Variants in GPR55 observed in about 807,000 individuals in gnomAD.
GPR55 encodes the protein G protein-coupled receptor 55.
GPR55 carries 6 observed loss-of-function variants against 7.9 expected under a neutral mutation model. That is an observed-to-expected ratio of 0.76 (90% CI 0.41 to 1.49). The LOEUF (loss-of-function observed/expected upper bound fraction) is 1.49. Among genes scored for constraint, GPR55 ranks in the 40% most tolerant of loss-of-function variants. The pLI is 0.01. For synonymous variants in GPR55, 183 were observed against 166.8 expected (o/e 1.10, Z -0.75); for missense variants, 376 against 406.0 (o/e 0.93, Z 0.63).
intron 1 of GPR55, among the ~76,000 whole-genome samples, chr2:230,936,305 C>T (rs972847982): frequency 1.3e-5 from 2 of 152,152 alleles, no homozygotes; most frequent in African/African-American, 4.8e-5. Context: ...CCTCACATGT[C>T]GTAGGATCGT....
At chr2:230,919,441 A>G (rs1181342948) in intron 1 of GPR55, among the ~76,000 whole-genome samples, 1 of 152,200 alleles carries the variant, frequency 6.6e-6, no homozygotes, top group Non-Finnish European at 1.5e-5. Flanking sequence ...AACATCAAGA[A>G]CAACAATAGA....
Position 230,947,140 on chromosome 2 carries a change from G to A in GPR55, c.-135+13635C>T, listed in dbSNP as rs143234737. On this transcript the variant is annotated intron_variant, in intron 1 of 1. Transcript: ENST00000392039. ...AGAAAGAGCCATTAGCTGACAAATC[G>A]CTCCTTTCCACTATGGGTGTGGGAA... Among the ~76,000 whole-genome samples, 387 of 152,196 alleles carry A rather than the reference G, an allele frequency of 2.5e-3. 3 individuals carry two copies. The highest frequency in any genetic ancestry group is 9.0e-3 in the African/African-American group (373 of 41,524).
At chr2:230,917,306 A>T (rs1309121949) in intron 1 of GPR55, among the ~76,000 whole-genome samples, 2 of 152,240 alleles carry the variant, frequency 1.3e-5, no homozygotes, top group African/African-American at 2.4e-5. Context: ...ACATAGAATT[A>T]TATAAATAAT....
chr2:230,932,231 G>A (rs1691060655), intron 1 of GPR55, among the ~76,000 whole-genome samples: 1 of 152,236 alleles, frequency 6.6e-6, no homozygotes, highest in African/African-American at 2.4e-5. Flanking sequence ...GGTTGCAGCT[G>A]TTTGTGGGAG....
At position 230,909,761 on chromosome 2, in the gene GPR55, T is replaced by C. The variant is rs370782609; in HGVS notation, c.*242A>G. On this transcript the variant is annotated 3_prime_UTR_variant, in exon 2 of 2. Transcript: ENST00000650999. ...TATAGTTTTTGGACTTAGAAATCAG[T>C]AATTCACCTGGTCTGTGGGTTCTTC... 50 of 487,688 alleles carry C rather than the reference T, an allele frequency of 1.0e-4. No homozygotes were observed. The East Asian group carries it at 1.1e-3, about 11-fold the overall frequency. The allele number at this position is 487,688 out of a possible 1,614,324, so 30.2% of individuals were successfully genotyped here.
At chr2:230,921,645 G>T (rs929434875) in intron 1 of GPR55, among the ~76,000 whole-genome samples, 2 of 152,172 alleles carry the variant, frequency 1.3e-5, no homozygotes, top group Non-Finnish European at 2.9e-5. Context: ...ACCACTTTAA[G>T]GAAAGTGGGA....
In GPR55 at chr2:230,954,492, G is replaced by A. The variant is rs1007109826; in HGVS notation, c.-135+6283C>T. Among the ~76,000 whole-genome samples, 58 of 152,150 alleles carry A rather than the reference G, an allele frequency of 3.8e-4. 1 individual carries two copies. The highest frequency in any genetic ancestry group is 6.5e-5 in the Admixed American group (1 of 15,280). On this transcript the variant is annotated intron_variant, in intron 1 of 1. Coordinates refer to the GPR55 transcript ENST00000392039. ...AACTTTTTATTTTTAATTTTTGTGG[G>A]TAATAGTAGATGTATATATTTATGG...
intron 1 of GPR55, chr2:230,957,462 T>G (rs1210272538): frequency 1.3e-5 from 4 of 305,130 alleles, no homozygotes; most frequent in Non-Finnish European, 2.5e-5. Flanking sequence ...GAGATTTCAC[T>G]GCGCTGCTCA....
chr2:230,911,598 AC>A (rs1559169600), intron 1 of GPR55, among the ~76,000 whole-genome samples: 1 of 152,190 alleles, frequency 6.6e-6, no homozygotes, highest in Non-Finnish European at 1.5e-5. Context: ...GATAATCAAC[AC>A]AACTTTTGCT....
Position 230,924,144 on chromosome 2 carries a change from C to A in GPR55, c.-135+1024G>T, listed in dbSNP as rs946002023. ...ACCATGTCCCTTTCACCTTTATCACCGAGCCTCACATACAGTTTGTCGTTG... is the reference window on the plus strand; with the variant it reads ...ACCATGTCCCTTTCACCTTTATCACAGAGCCTCACATACAGTTTGTCGTTG... On this transcript the variant is annotated intron_variant, in intron 1 of 1. Coordinates refer to ENST00000650999, the MANE Select transcript of GPR55 (RefSeq NM_005683.4). The surrounding 1 kb of genome is among the most constrained non-coding windows in gnomAD (Gnocchi z 4.5). Among the ~76,000 whole-genome samples the A allele has an allele frequency of 5.3e-5, 8 of 152,084 alleles. No homozygotes were observed. Among genetic ancestry groups the A allele is most frequent in the Admixed American group, 3.3e-4 (5 of 15,272 alleles).
At chr2:230,918,825 T>A (rs1462213230) in intron 1 of GPR55, among the ~76,000 whole-genome samples, 2 of 152,170 alleles carry the variant, frequency 1.3e-5, no homozygotes, top group African/African-American at 4.8e-5. Context: ...TAAATAGTTT[T>A]TTGAGTTATT....
At chr2:230,937,205 C>T (rs1190559951) in intron 1 of GPR55, among the ~76,000 whole-genome samples, 1 of 151,886 alleles carries the variant, frequency 6.6e-6, no homozygotes, top group Non-Finnish European at 1.5e-5. Context: ...AGTTTGAGAC[C>T]TACCTGGTCA....
intron 1 of GPR55, among the ~76,000 whole-genome samples, chr2:230,948,021 C>G (rs996562481): frequency 1.3e-5 from 2 of 152,158 alleles, no homozygotes; most frequent in Non-Finnish European, 2.9e-5. Flanking sequence ...CAGTGCCCGC[C>G]CGGCTCCTTT....
intron 1 of GPR55, chr2:230,957,677 T>A: frequency 3.7e-6 from 2 of 545,896 alleles, no homozygotes; most frequent in Non-Finnish European, 7.4e-6. Context: ...AAATATTCCC[T>A]GTGCCCGGGA....
Position 230,913,340 on chromosome 2 carries a change from T to C in GPR55, c.-134-2244A>G, listed in dbSNP as rs138421913. On this transcript the variant is annotated intron_variant, in intron 1 of 1. Coordinates refer to ENST00000650999, the MANE Select transcript of GPR55 (RefSeq NM_005683.4). ...TTGGGGTGTGTTTTAAGATCTTATATGTAATACCATTCCCAAGCCCTCTCT... is the reference window on the plus strand; with the variant it reads ...TTGGGGTGTGTTTTAAGATCTTATACGTAATACCATTCCCAAGCCCTCTCT... Among the ~76,000 whole-genome samples the C allele has an allele frequency of 1.5e-3, 221 of 152,306 alleles. 1 individual carries two copies. Among genetic ancestry groups the C allele is most frequent in the Middle Eastern group, 6.8e-3 (2 of 294 alleles).
intron 1 of GPR55, among the ~76,000 whole-genome samples, chr2:230,914,082 G>A (rs1488233575): frequency 1.3e-5 from 2 of 152,218 alleles, no homozygotes; most frequent in South Asian, 2.1e-4. Context: ...TGAATCCACC[G>A]TATTGCTGGT....
At chr2:230,919,208 T>G (rs1690781261) in intron 1 of GPR55, among the ~76,000 whole-genome samples, 2 of 152,038 alleles carry the variant, frequency 1.3e-5, no homozygotes, top group South Asian at 4.1e-4. Flanking sequence ...TAGATGAAAA[T>G]TTAATAAACA....
At chr2:230,920,880 C>T (rs1348866760) in intron 1 of GPR55, among the ~76,000 whole-genome samples, 1 of 151,874 alleles carries the variant, frequency 6.6e-6, no homozygotes. Flanking sequence ...GTTAATACTC[C>T]CTATATTAAT....
chr2:230,910,703 T>C lies in GPR55; in HGVS notation c.260A>G (p.Gln87Arg). The C allele has an allele frequency of 6.2e-7, 1 of 1,613,598 alleles. No homozygotes were observed. The highest frequency in any genetic ancestry group is 8.5e-7 in the Non-Finnish European group (1 of 1,179,530). ...LPFKMVLSQV[Q>R]SPFPSLCTLV... Reference sequence around the variant, plus strand: ...GGTGCACAGGGACGGGAAGGGGGACTGTACCTGGGACAGGACCATCTTGAA... The same window carrying C: ...GGTGCACAGGGACGGGAAGGGGGACCGTACCTGGGACAGGACCATCTTGAA... The change falls in exon 2 of 2, where the codon CAG (glutamine) becomes CGG (arginine). Residue 87 changes from glutamine (Q) to arginine (R), a missense_variant. Coordinates refer to ENST00000650999, the MANE Select transcript of GPR55 (RefSeq NM_005683.4). This position sits in a 1 kb window ranked among gnomAD's most constrained non-coding sequence, Gnocchi z 5.4.
Sources: allele counts gnomAD v4.1 joint callset (sites outside exome capture counted in the v4.1 genomes callset), GRCh38; gene constraint gnomAD v4.1.1; non-coding constraint Gnocchi (gnomAD v3.1); transcripts MANE v1.5; gene names NCBI Gene and HGNC (gene_info 2026-07-23, HGNC 2026-07-21).